Variants in GRM5 observed in about 807,000 individuals in gnomAD.
GRM5 encodes the protein glutamate metabotropic receptor 5, also known as metabotropic glutamate receptor 5.
In GRM5, 19 loss-of-function variants were observed where a neutral mutation model predicts 83.1. That is an observed-to-expected ratio of 0.23 (90% CI 0.16 to 0.34). GRM5 has a LOEUF of 0.34. Among genes scored for constraint, GRM5 ranks in the 10% least tolerant of loss-of-function variants. The pLI, the probability that GRM5 is intolerant of heterozygous loss-of-function variation, is 1.00. For missense variants in GRM5, 1,160 were observed against 1,588.3 expected, an observed-to-expected ratio of 0.73 and a Z score of 4.58; for synonymous variants, 675 against 633.6, an observed-to-expected ratio of 1.07 and a Z score of -0.98.
chr11:88,951,426 A>C (rs1211927781), intron 2 of GRM5, among the ~76,000 whole-genome samples: 10 of 152,260 alleles, frequency 6.6e-5, no homozygotes, highest in African/African-American at 2.2e-4. Flanking sequence ...GCAAGTGTGC[A>C]GGTTATATGG....
At chr11:89,003,036 T>G (rs1388882410) in intron 2 of GRM5, among the ~76,000 whole-genome samples, 1 of 152,138 alleles carries the variant, frequency 6.6e-6, no homozygotes, top group East Asian at 1.9e-4. Flanking sequence ...TCCCAAAAAT[T>G]TTTCTCATGA....
intron 2 of GRM5, among the ~76,000 whole-genome samples, chr11:88,859,593 A>G (rs913638008): frequency 3.3e-5 from 5 of 152,130 alleles, no homozygotes; most frequent in African/African-American, 7.2e-5. Context: ...CAAATAATTG[A>G]CAGCTAGTAA....
At chr11:88,655,918 CAA>C (rs749342185) in intron 3 of GRM5, among the ~76,000 whole-genome samples, 1 of 151,798 alleles carries the variant, frequency 6.6e-6, no homozygotes, top group Non-Finnish European at 1.5e-5. Context: ...ATGTTAATCC[CAA>C]AAAAGACAAC....
intron 2 of GRM5, among the ~76,000 whole-genome samples, chr11:88,947,386 A>G (rs1371590479): frequency 6.6e-6 from 1 of 152,154 alleles, no homozygotes; most frequent in Non-Finnish European, 1.5e-5. Context: ...TGCCTTCCAC[A>G]TAGGGATAAA....
chr11:88,879,519 A>G (rs917585978), intron 2 of GRM5, among the ~76,000 whole-genome samples: 1 of 151,972 alleles, frequency 6.6e-6, no homozygotes, highest in African/African-American at 2.4e-5. Context: ...AATTTAGAGT[A>G]ATAAATAAAT....
intron 5 of GRM5, among the ~76,000 whole-genome samples, chr11:88,599,869 C>T (rs1017414164): frequency 6.6e-5 from 10 of 152,070 alleles, no homozygotes; most frequent in South Asian, 2.1e-4. Context: ...AAAAATTAGC[C>T]GGGCGTGGTG....
intron 2 of GRM5, among the ~76,000 whole-genome samples, chr11:88,883,071 G>T (rs534333436): frequency 6.6e-6 from 1 of 152,302 alleles, no homozygotes; most frequent in South Asian, 2.1e-4. Flanking sequence ...TTCCTTTATA[G>T]ATTAACCAGT....
intron 2 of GRM5, among the ~76,000 whole-genome samples, chr11:88,913,017 A>G (rs1945525554): frequency 6.6e-6 from 1 of 152,218 alleles, no homozygotes; most frequent in African/African-American, 2.4e-5. Context: ...ACTTTTGAAC[A>G]AATGCTCCCT....
At chr11:88,859,730 A>G (rs1308119377) in intron 2 of GRM5, among the ~76,000 whole-genome samples, 1 of 152,118 alleles carries the variant, frequency 6.6e-6, no homozygotes, top group African/African-American at 2.4e-5. Flanking sequence ...GGTTCTTCCA[A>G]AGGCCTGCTA....
At position 88,921,929 on chromosome 11, in the gene GRM5, G is replaced by T. The variant is rs1008642453; in HGVS notation, c.662-71774C>A. Among the ~76,000 whole-genome samples the T allele has an allele frequency of 9.6e-5, 13 of 135,244 alleles. No individual in the cohort carries two copies. The East Asian group carries it at 2.2e-3, about 23-fold the overall frequency. The allele number at this position is 135,244 out of a possible 152,430, so 88.7% of individuals were successfully genotyped here. On this transcript the variant is annotated intron_variant, in intron 2 of 9. Coordinates refer to ENST00000305447, the MANE Select transcript of GRM5 (RefSeq NM_001143831.3). Reference sequence around the variant, plus strand: ...ACCAAATAAAAATACAAAAAAAACCGTATTTCTATATGCCAACAGTGAAAA... The same window carrying T: ...ACCAAATAAAAATACAAAAAAAACCTTATTTCTATATGCCAACAGTGAAAA...
intron 8 of GRM5, among the ~76,000 whole-genome samples, chr11:88,551,177 G>C (rs1942498931): frequency 6.6e-6 from 1 of 152,106 alleles, no homozygotes; most frequent in African/African-American, 2.4e-5. Flanking sequence ...TGTCTATGTG[G>C]TACTGACAGT....
chr11:88,905,039 T>C (rs1308867347), intron 2 of GRM5, among the ~76,000 whole-genome samples: 3 of 152,198 alleles, frequency 2.0e-5, no homozygotes, highest in Non-Finnish European at 4.4e-5. Flanking sequence ...ATTTGGGGCA[T>C]GAATGTGTCA....
intron 8 of GRM5, among the ~76,000 whole-genome samples, chr11:88,545,235 T>G (rs565874183): frequency 6.6e-6 from 1 of 152,178 alleles, no homozygotes; most frequent in Non-Finnish European, 1.5e-5. Flanking sequence ...TGTTCTTGGT[T>G]CTTCCAAATT....
intron 2 of GRM5, among the ~76,000 whole-genome samples, chr11:88,918,075 G>A (rs1396235373): frequency 6.6e-6 from 1 of 151,712 alleles, no homozygotes; most frequent in Non-Finnish European, 1.5e-5. Flanking sequence ...GGATCATAAA[G>A]GCAGCAAGAA....
chr11:88,553,185 T>C (rs1393513017), intron 8 of GRM5, among the ~76,000 whole-genome samples: 19 of 152,218 alleles, frequency 1.2e-4, no homozygotes, highest in Admixed American at 1.2e-3. Flanking sequence ...TGTGTTTTTA[T>C]TAGTTAATCA....
At chr11:88,564,637 C>T (rs1942833382) in intron 8 of GRM5, among the ~76,000 whole-genome samples, 1 of 152,092 alleles carries the variant, frequency 6.6e-6, no homozygotes, top group Non-Finnish European at 1.5e-5. Flanking sequence ...AAAGTACCTA[C>T]CACATTAATA....
intron 3 of GRM5, among the ~76,000 whole-genome samples, chr11:88,802,378 T>C (rs1458802164): frequency 6.6e-6 from 1 of 152,178 alleles, no homozygotes; most frequent in African/African-American, 2.4e-5. Context: ...AATAAAATCA[T>C]GTCTTTTGCA....
intron 4 of GRM5, among the ~76,000 whole-genome samples, chr11:88,632,579 T>C (rs1003249007): frequency 2.0e-5 from 3 of 152,212 alleles, no homozygotes; most frequent in Non-Finnish European, 2.9e-5. Context: ...ATGAGTAATA[T>C]TCCATTACAT....
chr11:88,836,857 G>A (rs573121633), intron 3 of GRM5, among the ~76,000 whole-genome samples: 1 of 152,072 alleles, frequency 6.6e-6, no homozygotes, highest in Non-Finnish European at 1.5e-5. Context: ...AACAAATCTA[G>A]AAAACAATAA....
Sources: gnomAD v4.1 joint callset for allele counts (sites outside exome capture counted in the v4.1 genomes callset) on GRCh38, gnomAD v4.1.1 for gene constraint, MANE v1.5 for transcripts, NCBI Gene and HGNC (gene_info 2026-07-23, HGNC 2026-07-21) for gene names.